The following DNAH9 variants were observed in gnomAD, a reference collection of about 807,000 sequenced individuals.
DNAH9 encodes the protein dynein axonemal heavy chain 9.
A neutral mutation model predicts 471.6 loss-of-function variants in DNAH9; 345 were observed. The observed-to-expected ratio is 0.73, with a 90% CI of 0.67 to 0.80. The LOEUF (loss-of-function observed/expected upper bound fraction) is 0.80, where lower values mean the gene tolerates loss of function less well. Ranked by LOEUF, DNAH9 falls within the 30% of genes least tolerant of loss-of-function variation. The pLI, the probability that DNAH9 is intolerant of heterozygous loss-of-function variation, is 0.00. For missense variants in DNAH9, 5,407 were observed against 5,609.2 expected (o/e 0.96, Z 1.15); for synonymous variants, 2,093 against 2,123.6 (o/e 0.99, Z 0.40).
chr17:11,599,601 G>A (rs192024951), intron 1 of DNAH9, among the ~76,000 whole-genome samples: 1 of 152,260 alleles, frequency 6.6e-6, no homozygotes, highest in East Asian at 1.9e-4. Context: ...GTGGAGATGT[G>A]GGTCATGAGT....
intron 48 of DNAH9, among the ~76,000 whole-genome samples, chr17:11,829,320 G>A (rs1011020607): frequency 6.6e-6 from 1 of 152,190 alleles, no homozygotes; most frequent in African/African-American, 2.4e-5. Context: ...GCGGGAGGAG[G>A]CTAAATGAAC....
At chr17:11,808,556 A>C (rs1314431020) in intron 44 of DNAH9, among the ~76,000 whole-genome samples, 2 of 152,156 alleles carry the variant, frequency 1.3e-5, no homozygotes, top group Non-Finnish European at 2.9e-5. Context: ...CCAGTGACAG[A>C]AGAGGGAGGT....
chr17:11,701,319 G>T, intron 24 of DNAH9, 72 bp downstream of exon 24: 1 of 1,534,594 alleles, frequency 6.5e-7, no homozygotes, highest in Non-Finnish European at 8.9e-7. Context: ...CCAGCCTTCA[G>T]CAGCTGGTAG....
chr17:11,822,163 G>C (rs1029039103), intron 46 of DNAH9, 101 bp downstream of exon 46: 1 of 1,399,232 alleles, frequency 7.1e-7, no homozygotes, highest in Non-Finnish European at 9.6e-7. Context: ...ATTGTCTAGA[G>C]TAGGTGGTGA....
At chr17:11,787,056 A>C (rs1276467190) in intron 41 of DNAH9, among the ~76,000 whole-genome samples, 2 of 152,210 alleles carry the variant, frequency 1.3e-5, no homozygotes, top group Admixed American at 6.5e-5. Context: ...TGAAAAGAAA[A>C]ACCTTAGCTA....
chr17:11,608,076 A>T, intron 1 of DNAH9, 53 bp from the exon 2 acceptor site: 1 of 1,379,080 alleles, frequency 7.3e-7, no homozygotes, highest in Non-Finnish European at 9.9e-7. Flanking sequence ...GGATTTCTTT[A>T]AGTTCTCAGA....
At chr17:11,729,277 C>T (rs1008491905) in intron 28 of DNAH9, among the ~76,000 whole-genome samples, 4 of 152,192 alleles carry the variant, frequency 2.6e-5, no homozygotes, top group Middle Eastern at 3.4e-3. Context: ...ATTCCACATG[C>T]CTCCCTGCAG....
chr17:11,924,622 T>C (rs1974256254), intron 62 of DNAH9, among the ~76,000 whole-genome samples: 1 of 137,984 alleles, frequency 7.2e-6, no homozygotes, highest in South Asian at 2.6e-4. Context: ...AACTCTTTTT[T>C]TTTTTTTTTT....
intron 50 of DNAH9, among the ~76,000 whole-genome samples, chr17:11,861,107 T>A (rs1488606019): frequency 1.3e-5 from 2 of 151,862 alleles, no homozygotes; most frequent in African/African-American, 4.8e-5. Context: ...ACATGTGCCA[T>A]GCTGGTGCGC....
chr17:11,863,333 G>C (rs1295577944), intron 50 of DNAH9, among the ~76,000 whole-genome samples: 2 of 152,092 alleles, frequency 1.3e-5, no homozygotes, highest in African/African-American at 4.8e-5. Flanking sequence ...TTATTGATTT[G>C]TGTATATTGA....
intron 26 of DNAH9, among the ~76,000 whole-genome samples, chr17:11,711,601 T>C (rs1439781232): frequency 6.6e-6 from 1 of 151,916 alleles, no homozygotes; most frequent in Non-Finnish European, 1.5e-5. Context: ...TCTACCTTCA[T>C]TTCCACTTTC....
At chr17:11,715,562 C>T (rs2074944559) in intron 26 of DNAH9, among the ~76,000 whole-genome samples, 1 of 152,236 alleles carries the variant, frequency 6.6e-6, no homozygotes, top group South Asian at 2.1e-4. Flanking sequence ...AAAATCCCTT[C>T]CAACGCTAAC....
intron 67 of DNAH9, 137 bp from the exon 68 acceptor site, chr17:11,961,730 T>C: frequency 2.7e-6 from 3 of 1,100,256 alleles, no homozygotes; most frequent in Non-Finnish European, 3.9e-6. Context: ...CCCCTGGAGT[T>C]TTATGTTCAA....
intron 66 of DNAH9, among the ~76,000 whole-genome samples, chr17:11,938,456 C>CAAAAAA (rs11364413): frequency 9.0e-6 from 1 of 111,442 alleles, no homozygotes. Context: ...AGACTGTCTC[C>CAAAAAA]AAAAAAAAAA....
intron 64 of DNAH9, among the ~76,000 whole-genome samples, chr17:11,933,556 T>G (rs923958415): frequency 6.6e-6 from 1 of 151,920 alleles, no homozygotes; most frequent in African/African-American, 2.4e-5. Flanking sequence ...AATTTTGTAT[T>G]TTTAGTAGCG....
At chr17:11,725,866 CA>C (rs201362147) in intron 27 of DNAH9, among the ~76,000 whole-genome samples, 1 of 151,856 alleles carries the variant, frequency 6.6e-6, no homozygotes, top group East Asian at 1.9e-4. Context: ...GACTCCATCT[CA>C]AAAAAACAAA....
At position 11,962,173 on chromosome 17, in the gene DNAH9, A is replaced by G. The variant is rs1173162599; in HGVS notation, c.13150A>G (p.Asn4384Asp). 8.1e-6 allele frequency: 13 copies of G among 1,614,224 alleles called. No individual in the cohort carries two copies. Among genetic ancestry groups the G allele is most frequent in the Non-Finnish European group, 1.1e-5 (13 of 1,180,044 alleles). The change falls in exon 68 of 69, where the codon AAC becomes GAC. Residue 4384 changes from asparagine to aspartate, a missense_variant. This residue lies in a region of DNAH9 where 4,636 missense variants were observed against 4,900.3 expected (regional missense o/e 0.95). Coordinates refer to ENST00000262442, the MANE Select transcript of DNAH9 (RefSeq NM_001372.4). The surrounding 1 kb of genome is among the most constrained non-coding windows in gnomAD (Gnocchi z 4.1). ...MALQCDMTKK[N>D]REEFRSPPRE... ...CCTGCAATGTGACATGACGAAGAAG[A>G]ACAGAGAAGAGTTTAGGAGTCCTCC...
intron 50 of DNAH9, among the ~76,000 whole-genome samples, chr17:11,860,839 G>A (rs1460504647): frequency 1.3e-5 from 2 of 152,156 alleles, no homozygotes; most frequent in Non-Finnish European, 2.9e-5. Flanking sequence ...GGGATTACAG[G>A]GGTGAGCCAC....
chr17:11,751,923 T>A (rs1461602798), intron 32 of DNAH9, among the ~76,000 whole-genome samples: 1 of 152,090 alleles, frequency 6.6e-6, no homozygotes, highest in Non-Finnish European at 1.5e-5. Flanking sequence ...ATACACAAAA[T>A]TTGGTAACTT....
Sources: allele counts gnomAD v4.1 joint callset (sites outside exome capture counted in the v4.1 genomes callset), GRCh38; gene constraint gnomAD v4.1.1; regional missense constraint gnomAD v4.1.1; non-coding constraint Gnocchi (gnomAD v3.1); transcripts MANE v1.5; gene names NCBI Gene and HGNC (gene_info 2026-07-23, HGNC 2026-07-21).